The following ARL6IP6 variants were observed in gnomAD, a reference collection of about 807,000 sequenced individuals.
The protein encoded by ARL6IP6 is ADP-ribosylation factor-like protein 6-interacting protein 6.
Under a neutral mutation model 21.5 loss-of-function variants are expected in ARL6IP6, and 22 were observed. That is an observed-to-expected ratio of 1.02 (90% CI 0.73 to 1.46). The LOEUF (loss-of-function observed/expected upper bound fraction) is 1.46, where lower values mean the gene tolerates loss of function less well. ARL6IP6 is among the 40% of genes most tolerant of loss of function. The probability of loss-of-function intolerance (pLI) is 0.00; values close to 1 mark genes in which losing one functional copy is unlikely to be tolerated. For synonymous variants in ARL6IP6, 164 were observed against 125.3 expected, an observed-to-expected ratio of 1.31 and a Z score of -2.06; for missense variants, 388 against 299.8, an observed-to-expected ratio of 1.29 and a Z score of -2.17.
chr2:152,750,038 A>G (rs1338070169), intron 3 of ARL6IP6, among the ~76,000 whole-genome samples: 1 of 152,216 alleles, frequency 6.6e-6, no homozygotes, highest in Non-Finnish European at 1.5e-5. Context: ...CTTTGGGACT[A>G]AAATATTTAT....
At chr2:152,732,719 ACCAAAATCTGGATC>A in intron 2 of ARL6IP6, 1 of 273,426 alleles carries the variant, frequency 3.7e-6, no homozygotes, top group South Asian at 3.5e-5. Context: ...CCCTCTGGAT[ACCAAAATCTGGATC>A]CTCAAGTCCT....
In ARL6IP6 at chr2:152,724,825, C is replaced by G. The variant is rs978512168; in HGVS notation, c.454+4239C>G. 4.6e-5 allele frequency among the ~76,000 whole-genome samples: 7 copies of G among 152,072 alleles called. No individual in the cohort carries two copies. In the East Asian group the frequency reaches 1.3e-3, roughly 29 times the overall value. On this transcript the variant is annotated intron_variant, in intron 2 of 3. Coordinates refer to ENST00000326446, the MANE Select transcript of ARL6IP6 (RefSeq NM_152522.7). ...ATTTTTGACAAGTTTTGAGTTGATG[C>G]TCTGCATGCTGCTAGTTAGGGGGCT...
At chr2:152,746,820 T>C (rs1026428965) in intron 3 of ARL6IP6, among the ~76,000 whole-genome samples, 2 of 132,874 alleles carry the variant, frequency 1.5e-5, no homozygotes, top group Non-Finnish European at 3.1e-5. Context: ...TTTTATCCTT[T>C]CTTTTTTTTT....
intron 3 of ARL6IP6, among the ~76,000 whole-genome samples, chr2:152,756,060 G>C (rs1242820811): frequency 6.6e-6 from 1 of 152,016 alleles, no homozygotes; most frequent in African/African-American, 2.4e-5. Context: ...AATGTCCTTG[G>C]AAGCACAAAG....
chr2:152,720,566 A>T lies in ARL6IP6; in HGVS notation c.434A>T (p.Asp145Val). The T allele has an allele frequency of 1.2e-6, 2 of 1,614,086 alleles. No individual in the cohort carries two copies. Among genetic ancestry groups the T allele is most frequent in the Non-Finnish European group, 1.7e-6 (2 of 1,179,960 alleles). ...GCTGAGAATTTGAAAAATGAAGATGATGTAGACACTGGACTATTAGGTATG... is the reference window on the plus strand; with the variant it reads ...GCTGAGAATTTGAAAAATGAAGATGTTGTAGACACTGGACTATTAGGTATG... ...LHAENLKNED[D>V]VDTGLLGFWT... is the part of the protein sequence containing the mutation. Residue 145 changes from aspartate to valine, a missense_variant, in exon 2 of 4, where the codon GAT (aspartate) becomes GTT (valine). Physicochemically the swap from Asp to Val is radical, Grantham distance 152 (BLOSUM62 -3). Transcript: ENST00000326446.
At position 152,752,927 on chromosome 2, in the gene ARL6IP6, A is replaced by C. The variant is rs560933606; in HGVS notation, c.588-6820A>C. On this transcript the variant is annotated intron_variant, in intron 3 of 3. Coordinates refer to ENST00000326446, the MANE Select transcript of ARL6IP6 (RefSeq NM_152522.7). ...TTGAACTTTAGGAAATTGGCCTTAG[A>C]TTCCCTGCCCCCAGATCTTGGTGTT... Among the ~76,000 whole-genome samples the C allele has an allele frequency of 6.4e-4, 97 of 152,174 alleles. 2 individuals carry two copies. Among genetic ancestry groups the C allele is most frequent in the African/African-American group, 2.3e-3 (95 of 41,516 alleles).
At chr2:152,744,973 A>G (rs143517014) in intron 3 of ARL6IP6, among the ~76,000 whole-genome samples, 1 of 152,110 alleles carries the variant, frequency 6.6e-6, no homozygotes, top group Non-Finnish European at 1.5e-5. Flanking sequence ...AACATGATCT[A>G]TTACTCTTTT....
chr2:152,736,655 A>G (rs568756135), intron 3 of ARL6IP6, among the ~76,000 whole-genome samples: 15 of 152,290 alleles, frequency 9.8e-5, no homozygotes, highest in African/African-American at 3.1e-4. Context: ...AATTCACTCT[A>G]TATACAGTCA....
chr2:152,723,069 C>T (rs763085128), intron 2 of ARL6IP6, among the ~76,000 whole-genome samples: 8 of 152,174 alleles, frequency 5.3e-5, no homozygotes, highest in Non-Finnish European at 8.8e-5. Context: ...TAATTGATAG[C>T]TGAAAAGGTA....
At position 152,718,783 on chromosome 2, in the gene ARL6IP6, C is replaced by G. The variant is rs532272747; in HGVS notation, c.159C>G (p.Arg53=). ...DEEEGCDQVA[R]DLRAEFSAGA... ...AGGAGGGATGCGACCAAGTGGCCCG[C>G]GACCTGCGGGCGGAGTTCTCGGCTG... The change falls in exon 1 of 4, where the codon CGC becomes CGG. Residue 53 remains arginine (R), a synonymous_variant. Coordinates refer to ENST00000326446, the MANE Select transcript of ARL6IP6 (RefSeq NM_152522.7). 3 of 1,607,052 alleles carry G rather than the reference C, an allele frequency of 1.9e-6. No individual in the cohort carries two copies. The highest frequency in any genetic ancestry group is 2.5e-6 in the Non-Finnish European group (3 of 1,176,650).
chr2:152,717,743 G>A (rs1699202258), upstream of ARL6IP6: 2 of 1,314,536 alleles, frequency 1.5e-6, no homozygotes, highest in Admixed American at 3.3e-5. Context: ...AGCTTCCCGA[G>A]CTTAGACCGC....
chr2:152,732,318 T>C (rs963181240), intron 2 of ARL6IP6, among the ~76,000 whole-genome samples: 1 of 152,156 alleles, frequency 6.6e-6, no homozygotes, highest in Non-Finnish European at 1.5e-5. Context: ...ATGAAGAGTT[T>C]CTGTTTATTC....
At chr2:152,721,850 T>C (rs1242855250) in intron 2 of ARL6IP6, among the ~76,000 whole-genome samples, 1 of 152,254 alleles carries the variant, frequency 6.6e-6, no homozygotes, top group Non-Finnish European at 1.5e-5. Context: ...TCTTAGATAT[T>C]GCATGGAAAC....
Position 152,760,736 on chromosome 2 carries a change from T to A in ARL6IP6, c.*896T>A, listed in dbSNP as rs1291940613. 6.6e-6 allele frequency: 1 copy of A among 152,060 alleles called. No homozygotes were observed. The highest frequency in any genetic ancestry group is 1.5e-5 in the Non-Finnish European group (1 of 67,960). 9.4% of individuals were successfully genotyped at this position (152,060 alleles called of 1,614,324 possible). ...GTTACTTTAACAGAACTTGCATTAT[T>A]TTGTTTTTAATAAATATAAACATGA... is the stretch of plus-strand genomic sequence containing the variant. On this transcript the variant is annotated 3_prime_UTR_variant, in exon 4 of 4. Coordinates refer to ENST00000326446, the MANE Select transcript of ARL6IP6 (RefSeq NM_152522.7).
intron 2 of ARL6IP6, among the ~76,000 whole-genome samples, chr2:152,724,809 A>G (rs1022996394): frequency 3.9e-5 from 6 of 152,154 alleles, no homozygotes; most frequent in Non-Finnish European, 8.8e-5. Flanking sequence ...CATTTTTGAC[A>G]AGTTTTGAGT....
At chr2:152,728,249 G>C (rs139444058) in intron 2 of ARL6IP6, among the ~76,000 whole-genome samples, 1 of 152,162 alleles carries the variant, frequency 6.6e-6, no homozygotes, top group East Asian at 1.9e-4. Context: ...TCTTACCCAG[G>C]ACTTGGAAAT....
At position 152,720,603 on chromosome 2, in the gene ARL6IP6, C is replaced by G. The variant is rs748745307; in HGVS notation, c.454+17C>G. 1 of 1,608,128 alleles carries G rather than the reference C, an allele frequency of 6.2e-7. No individual in the cohort carries two copies. Among genetic ancestry groups the G allele is most frequent in the East Asian group, 2.2e-5 (1 of 44,778 alleles). ...GACTATTAGGTATGGACTTAATTGC[C>G]GCTTGCTTTGGTTTTGAGCTCACGT... On this transcript the variant is annotated intron_variant, in intron 2 of 3. Coordinates refer to ENST00000326446, the MANE Select transcript of ARL6IP6 (RefSeq NM_152522.7).
At chr2:152,726,974 C>T (rs4664608) in intron 2 of ARL6IP6, among the ~76,000 whole-genome samples, 30,648 of 152,032 alleles carry the variant, frequency 0.2, 3,986 homozygotes, top group Non-Finnish European at 0.3. Flanking sequence ...AATTATGTTA[C>T]TGGTTTATGT....
At chr2:152,719,750 G>GAAAAAAAAAAA in intron 1 of ARL6IP6, 11 of 251,222 alleles carry the variant, frequency 4.4e-5, no homozygotes, top group East Asian at 2.4e-4. Flanking sequence ...CCAAGTTACT[G>GAAAAAAAAAAA]AAAAAAAAAA....
Sources: gnomAD v4.1 joint callset for allele counts (sites outside exome capture counted in the v4.1 genomes callset) on GRCh38, gnomAD v4.1.1 for gene constraint, MANE v1.5 for transcripts, NCBI Gene and HGNC (gene_info 2026-07-23, HGNC 2026-07-21) for gene names.